CACNA1E: variants seen among roughly 807,000 people sequenced by gnomAD.
CACNA1E encodes the protein calcium voltage-gated channel subunit alpha1 E, also known as voltage-dependent R-type calcium channel subunit alpha-1E.
CACNA1E carries 40 observed loss-of-function variants against 259.2 expected under a neutral mutation model. The observed-to-expected ratio is 0.15, with a 90% CI of 0.12 to 0.20. The LOEUF (loss-of-function observed/expected upper bound fraction) is 0.20. Among genes scored for constraint, CACNA1E ranks in the 10% least tolerant of loss-of-function variants. The pLI is 1.00. For missense variants in CACNA1E, 1,874 were observed against 3,040.1 expected (o/e 0.62, Z 9.02); for synonymous variants, 1,104 against 1,138.5 (o/e 0.97, Z 0.61).
intron 6 of CACNA1E, among the ~76,000 whole-genome samples, chr1:181,587,518 T>TA (rs1652184326): frequency 6.6e-6 from 1 of 152,024 alleles, no homozygotes; most frequent in Non-Finnish European, 1.5e-5. Flanking sequence ...TTGAGCTGGA[T>TA]AAAGAGCAAA....
intron 1 of CACNA1E, among the ~76,000 whole-genome samples, chr1:181,407,390 A>G (rs185954978): frequency 2.0e-5 from 3 of 152,232 alleles, no homozygotes; most frequent in Admixed American, 2.0e-4. Flanking sequence ...CCAGGACAAT[A>G]CCTCTTACCA....
intron 1 of CACNA1E, among the ~76,000 whole-genome samples, chr1:181,372,567 T>G (rs1253954419): frequency 1.3e-5 from 2 of 152,194 alleles, no homozygotes; most frequent in Non-Finnish European, 2.9e-5. Context: ...ACTTCCTCTC[T>G]TCCTATTTGG....
chr1:181,586,735 A>G (rs1162761072), intron 6 of CACNA1E, among the ~76,000 whole-genome samples: 1 of 152,220 alleles, frequency 6.6e-6, no homozygotes, highest in Non-Finnish European at 1.5e-5. Context: ...ATTCACATTC[A>G]TATTTACTCT....
At chr1:181,630,140 T>A (rs1251217826) in intron 6 of CACNA1E, among the ~76,000 whole-genome samples, 1 of 152,156 alleles carries the variant, frequency 6.6e-6, no homozygotes, top group Non-Finnish European at 1.5e-5. Context: ...TGGGGGCAAG[T>A]AACTTTTTCT....
At chr1:181,662,560 A>T (rs186246552) in intron 7 of CACNA1E, among the ~76,000 whole-genome samples, 173 of 152,278 alleles carry the variant, frequency 1.1e-3, no homozygotes, top group Non-Finnish European at 2.1e-3. Context: ...GTGAATAAGG[A>T]TATTGGTGTT....
chr1:181,539,600 C>A (rs993793903), intron 3 of CACNA1E, among the ~76,000 whole-genome samples: 2 of 152,202 alleles, frequency 1.3e-5, no homozygotes, highest in African/African-American at 2.4e-5. Flanking sequence ...ACTACTAATG[C>A]TCTGTATGAG....
chr1:181,778,526 G>T (rs1660149820), intron 38 of CACNA1E, among the ~76,000 whole-genome samples: 1 of 152,216 alleles, frequency 6.6e-6, no homozygotes, highest in South Asian at 2.1e-4. Context: ...GGAAACCCTG[G>T]TCTGTTCCAG....
chr1:181,792,008 G>A (rs951703038), intron 44 of CACNA1E, among the ~76,000 whole-genome samples: 8 of 152,222 alleles, frequency 5.3e-5, no homozygotes, highest in African/African-American at 1.9e-4. Flanking sequence ...CCCCAGGGCT[G>A]AGCAATTGAC....
At chr1:181,461,901 T>C (rs987696735) in intron 2 of CACNA1E, among the ~76,000 whole-genome samples, 5 of 152,018 alleles carry the variant, frequency 3.3e-5, no homozygotes, top group African/African-American at 4.8e-5. Context: ...TGGATAAATA[T>C]CCTTCTAGGC....
chr1:181,694,149 T>C lies in CACNA1E; in HGVS notation c.1056-16805T>C, dbSNP rs146649693. ...ATTAAATCTGGCAAAATATAAAGGA[T>C]AATATGTCATTACCACGTGATGTTT... is the stretch of plus-strand genomic sequence containing the variant. On this transcript the variant is annotated intron_variant, in intron 7 of 47. Coordinates refer to ENST00000367573, the MANE Select transcript of CACNA1E (RefSeq NM_001205293.3). Among the ~76,000 whole-genome samples, 20 of 152,342 alleles carry C rather than the reference T, an allele frequency of 1.3e-4. No homozygotes were observed. The East Asian group carries it at 3.9e-3, about 29-fold the overall frequency.
At chr1:181,707,580 A>G (rs4306091) in intron 7 of CACNA1E, among the ~76,000 whole-genome samples, 19,529 of 152,134 alleles carry the variant, frequency 0.13, 1,324 homozygotes, top group Admixed American at 0.19. Flanking sequence ...GGGCCTTATA[A>G]AGATGACATA....
At chr1:181,593,914 T>C (rs996372032) in intron 6 of CACNA1E, among the ~76,000 whole-genome samples, 6 of 152,224 alleles carry the variant, frequency 3.9e-5, no homozygotes, top group Non-Finnish European at 8.8e-5. Context: ...GAGCTGGGGC[T>C]GAGCCCATGA....
At chr1:181,735,541 G>A (rs578055283) in intron 21 of CACNA1E, among the ~76,000 whole-genome samples, 30 of 152,296 alleles carry the variant, frequency 2.0e-4, no homozygotes, top group East Asian at 5.8e-4. Context: ...AACCTACACC[G>A]TGTCTTGAGT....
intron 1 of CACNA1E, among the ~76,000 whole-genome samples, chr1:181,344,132 A>G (rs915128757): frequency 6.6e-6 from 1 of 152,026 alleles, no homozygotes; most frequent in Non-Finnish European, 1.5e-5. Context: ...CAGTCACCCC[A>G]CTGCTCTGGA....
chr1:181,445,607 C>T (rs1157455535), intron 2 of CACNA1E, among the ~76,000 whole-genome samples: 2 of 152,252 alleles, frequency 1.3e-5, no homozygotes, highest in African/African-American at 4.8e-5. Context: ...ATTGGTATTA[C>T]ACCAGGAGTA....
chr1:181,387,681 G>A (rs1655951208), intron 1 of CACNA1E, among the ~76,000 whole-genome samples: 1 of 152,204 alleles, frequency 6.6e-6, no homozygotes, highest in Admixed American at 6.5e-5. Flanking sequence ...TGGAGACGTG[G>A]TAATTTTAGT....
chr1:181,592,500 T>G (rs1165758832), intron 6 of CACNA1E, among the ~76,000 whole-genome samples: 35 of 76,098 alleles, frequency 4.6e-4, no homozygotes, highest in South Asian at 1.2e-3. Context: ...CGGTGGGGGG[T>G]GGGGGGTGGG....
chr1:181,438,783 G>A (rs552903668), intron 2 of CACNA1E, among the ~76,000 whole-genome samples: 153 of 152,326 alleles, frequency 1.0e-3, no homozygotes, highest in African/African-American at 3.5e-3. Flanking sequence ...GAAGTGAAAT[G>A]TGTGCCTGAC....
In CACNA1E at chr1:181,790,429, T is replaced by C. The variant is rs771592213; in HGVS notation, c.5787-16T>C. The stretch of plus-strand genomic sequence containing the variant: ...GACTGTCCCTCATTACCTCTGGATT[T>C]GACATTGCTTTTCAGGAGTGGCCGG... On this transcript the variant is annotated splice_polypyrimidine_tract_variant and intron_variant, in intron 43 of 47. Coordinates refer to ENST00000367573, the MANE Select transcript of CACNA1E (RefSeq NM_001205293.3). 9.2e-6 allele frequency: 14 copies of C among 1,528,402 alleles called. No homozygotes were observed. The highest frequency in any genetic ancestry group is 1.3e-5 in the Non-Finnish European group (14 of 1,101,752). The allele number at this position is 1,528,402 out of a possible 1,614,324, so 94.7% of individuals were successfully genotyped here.
Sources: allele counts gnomAD v4.1 joint callset (sites outside exome capture counted in the v4.1 genomes callset), GRCh38; gene constraint gnomAD v4.1.1; transcripts MANE v1.5; gene names NCBI Gene and HGNC (gene_info 2026-07-23, HGNC 2026-07-21).